The following MAP3K21 variants were observed in gnomAD, a reference collection of about 807,000 sequenced individuals.
The protein encoded by MAP3K21 is mitogen-activated protein kinase kinase kinase MLK4.
In MAP3K21, 63 loss-of-function variants were observed where a neutral mutation model predicts 86.1. The observed-to-expected ratio is 0.73, with a 90% CI of 0.60 to 0.90. MAP3K21 has a LOEUF of 0.90. Among genes scored for constraint, MAP3K21 ranks in the 40% least tolerant of loss-of-function variants. The pLI, the probability that MAP3K21 is intolerant of heterozygous loss-of-function variation, is 0.00. For synonymous variants in MAP3K21, 558 were observed against 564.8 expected (o/e 0.99, Z 0.17); for missense variants, 1,220 against 1,367.7 (o/e 0.89, Z 1.70).
intron 1 of MAP3K21, among the ~76,000 whole-genome samples, chr1:233,339,368 C>CTT (rs1558451194): frequency 0.16 from 9,828 of 61,090 alleles, 1,326 homozygotes; most frequent in Middle Eastern, 0.2. Flanking sequence ...TCCTTCTCCT[C>CTT]CTTCTCCTTC....
Position 233,328,424 on chromosome 1 carries a change from TG to T in MAP3K21, c.401del (p.Gly134AlafsTer17), listed in dbSNP as rs1347756238. The T allele has an allele frequency of 2.7e-6, 4 of 1,494,156 alleles. No homozygotes were observed. The highest frequency in any genetic ancestry group is 1.3e-5 in the South Asian group (1 of 79,784). The allele number at this position is 1,494,156 out of a possible 1,614,324, so 92.6% of individuals were successfully genotyped here. A position where few individuals can be genotyped will look rare whatever the true frequency, so the allele number is the denominator to read the frequency against. ...TGGAGCTGAAGGAGCTCATCGGCGC[TG>T]GGGGCTTCGGGCAGGTGTACCGCGC... ...RLELKELIGA[G>X]GFGQVYRATW... On this transcript the variant is annotated frameshift_variant, in exon 1 of 10. Transcript: ENST00000366624. LOFTEE classifies it high-confidence loss of function. This position sits in a 1 kb window ranked among gnomAD's most constrained non-coding sequence, Gnocchi z 8.7.
rs572175323 is a variant in MAP3K21, at chr1:233,353,142, C to T, written c.987-665C>T. 2.7e-5 allele frequency among the ~76,000 whole-genome samples: 4 copies of T among 150,926 alleles called. No individual in the cohort carries two copies. In the South Asian group the frequency reaches 8.4e-4, roughly 32 times the overall value. ...GAGAACTCAGGGACTGCAGTTGTGC[C>T]TTATTTTTTATTCCCATTTCACCCT... On this transcript the variant is annotated intron_variant, in intron 2 of 9. Coordinates refer to ENST00000366624, the MANE Select transcript of MAP3K21 (RefSeq NM_032435.3).
intron 1 of MAP3K21, among the ~76,000 whole-genome samples, chr1:233,339,258 C>CTTG (rs1662975883): frequency 2.1e-5 from 1 of 47,294 alleles, no homozygotes; most frequent in Non-Finnish European, 4.1e-5. Flanking sequence ...TCTTCTTCTT[C>CTTG]TTCTTCTTCC....
chr1:233,362,379 G>C, intron 5 of MAP3K21, 86 bp downstream of exon 5: 1 of 1,436,430 alleles, frequency 7.0e-7, no homozygotes, highest in Non-Finnish European at 9.6e-7. Context: ...CCAGGAAAGA[G>C]ATAGGGAAGT....
rs183995122 is a variant in MAP3K21, at chr1:233,376,088, G to A, written c.1826+22G>A. ...AAAGGTACGTGTGTGGTATCTGGTG[G>A]TATTCATTGTGTAATATGACAAATC... On this transcript the variant is annotated intron_variant, in intron 7 of 9. Coordinates refer to ENST00000366624, the MANE Select transcript of MAP3K21 (RefSeq NM_032435.3). 50 of 1,576,278 alleles carry A rather than the reference G, an allele frequency of 3.2e-5. No homozygotes were observed. In the East Asian group the frequency reaches 1.1e-3, roughly 34 times the overall value.
chr1:233,380,915 G>A (rs988311847), intron 9 of MAP3K21, among the ~76,000 whole-genome samples: 1 of 152,184 alleles, frequency 6.6e-6, no homozygotes, highest in African/African-American at 2.4e-5. Context: ...CTAAAATTCA[G>A]TGAGTATTGA....
At position 233,376,436 on chromosome 1, in the gene MAP3K21, A is replaced by G. The variant is rs1663799218; in HGVS notation, c.1833A>G (p.Arg611=). ...AAACATTTTTCTCTTGTAGGATAAG[A>G]CCTCTCTCCGATGGCAACAGTCCTT... is the stretch of plus-strand genomic sequence containing the variant. ...KDRTDCKERI[R]PLSDGNSPWS... is the part of the protein sequence containing the mutation. The change falls in exon 8 of 10, where the codon AGA becomes AGG. Residue 611 remains arginine (R), a synonymous_variant. Coordinates refer to ENST00000366624, the MANE Select transcript of MAP3K21 (RefSeq NM_032435.3). The G allele has an allele frequency of 6.2e-7, 1 of 1,609,392 alleles. No homozygotes were observed. The highest frequency in any genetic ancestry group is 8.5e-7 in the Non-Finnish European group (1 of 1,175,934).
intron 5 of MAP3K21, among the ~76,000 whole-genome samples, chr1:233,365,710 T>A (rs917202033): frequency 2.6e-5 from 4 of 152,220 alleles, no homozygotes; most frequent in Non-Finnish European, 5.9e-5. Context: ...CTGATCATTT[T>A]AAATCTTATG....
chr1:233,373,519 C>G (rs752767277), intron 6 of MAP3K21: 3 of 152,236 alleles, frequency 2.0e-5, no homozygotes, highest in Non-Finnish European at 4.4e-5. Flanking sequence ...CCTTGGCGCT[C>G]CTTCTCAGAA....
intron 4 of MAP3K21, among the ~76,000 whole-genome samples, chr1:233,356,469 AATTATT>A (rs36014775): frequency 6.6e-6 from 1 of 151,338 alleles, no homozygotes; most frequent in Admixed American, 6.6e-5. Context: ...TTTAATGAGC[AATTATT>A]ATTATTATTA....
chr1:233,363,132 A>C (rs550939250), intron 5 of MAP3K21, among the ~76,000 whole-genome samples: 52 of 152,264 alleles, frequency 3.4e-4, no homozygotes, highest in African/African-American at 1.1e-3. Flanking sequence ...TCACTTTTAT[A>C]GAATCTGTAT....
rs373025344 is a variant in MAP3K21, at chr1:233,379,259, G to T, written c.2253G>T (p.Pro751=). Residue 751 remains proline (P), a synonymous_variant, in exon 9 of 10, where the codon CCG becomes CCT. Coordinates refer to ENST00000366624, the MANE Select transcript of MAP3K21 (RefSeq NM_032435.3). Reference sequence around the variant, plus strand: ...ATAAAGCACAGGCTGCTGAAGAACCGTTGCCCAAGGAAGAGAAGAAGAAAC... The same window carrying T: ...ATAAAGCACAGGCTGCTGAAGAACCTTTGCCCAAGGAAGAGAAGAAGAAAC... ...ELHKAQAAEE[P]LPKEEKKKRE... 2 of 1,614,086 alleles carry T rather than the reference G, an allele frequency of 1.2e-6. No homozygotes were observed. The highest frequency in any genetic ancestry group is 1.3e-5 in the African/African-American group (1 of 74,924).
At position 233,328,040 on chromosome 1, in the gene MAP3K21, G is replaced by A. The variant is rs1558446869; in HGVS notation, c.12G>A (p.Arg4=). 1 of 1,308,416 alleles carries A rather than the reference G, an allele frequency of 7.6e-7. No individual in the cohort carries two copies. Among genetic ancestry groups the A allele is most frequent in the Non-Finnish European group, 9.7e-7 (1 of 1,033,312 alleles). 81.1% of individuals were successfully genotyped at this position (1,308,416 alleles called of 1,614,324 possible). Residue 4 remains arginine (R), a synonymous_variant, in exon 1 of 10, where the codon CGG becomes CGA. Coordinates refer to ENST00000366624, the MANE Select transcript of MAP3K21 (RefSeq NM_032435.3). The surrounding 1 kb of genome is among the most constrained non-coding windows in gnomAD (Gnocchi z 8.7). MAL[R]GAAGATDTPV... is the part of the protein sequence containing the mutation. The stretch of plus-strand genomic sequence containing the variant: ...GCGCAGCTGCCCCCATGGCTTTGCG[G>A]GGCGCCGCGGGAGCGACCGACACCC...
At chr1:233,345,659 C>T (rs1194461791) in intron 1 of MAP3K21, among the ~76,000 whole-genome samples, 3 of 151,816 alleles carry the variant, frequency 2.0e-5, no homozygotes, top group African/African-American at 7.3e-5. Flanking sequence ...TGCAGCAAAC[C>T]AACATGGCAC....
At chr1:233,337,333 T>C (rs1028243) in intron 1 of MAP3K21, among the ~76,000 whole-genome samples, 79,894 of 152,080 alleles carry the variant, frequency 0.53, 21,525 homozygotes, top group Admixed American at 0.63. Flanking sequence ...ATTCCTCATA[T>C]ATGTCAAAGA....
chr1:233,346,239 T>C (rs762200551), intron 1 of MAP3K21, among the ~76,000 whole-genome samples: 19 of 152,318 alleles, frequency 1.2e-4, no homozygotes, highest in Non-Finnish European at 2.1e-4. Context: ...CTCTAAGTTG[T>C]GTCTTAAAAT....
chr1:233,365,311 A>G (rs1273462024), intron 5 of MAP3K21, among the ~76,000 whole-genome samples: 1 of 152,244 alleles, frequency 6.6e-6, no homozygotes, highest in Non-Finnish European at 1.5e-5. Context: ...TCTGCACAGC[A>G]AAGGAAACAA....
intron 5 of MAP3K21, among the ~76,000 whole-genome samples, chr1:233,365,830 C>T (rs1663563493): frequency 6.6e-6 from 1 of 152,000 alleles, no homozygotes; most frequent in Non-Finnish European, 1.5e-5. Context: ...TCCAGGAATT[C>T]CACTACCAGG....
At chr1:233,349,399 C>A (rs1663205676) in intron 2 of MAP3K21, among the ~76,000 whole-genome samples, 1 of 152,102 alleles carries the variant, frequency 6.6e-6, no homozygotes, top group South Asian at 2.1e-4. Flanking sequence ...GATCTTATTA[C>A]AAACTATGCT....
Sources: allele counts gnomAD v4.1 joint callset (sites outside exome capture counted in the v4.1 genomes callset), GRCh38; gene constraint gnomAD v4.1.1; non-coding constraint Gnocchi (gnomAD v3.1); transcripts MANE v1.5; gene names NCBI Gene and HGNC (gene_info 2026-07-23, HGNC 2026-07-21).